Variants in CCDC163 observed in about 807,000 individuals in gnomAD.
The protein encoded by CCDC163 is transmembrane protein CCDC163.
CCDC163 carries 13 observed loss-of-function variants against 8.2 expected under a neutral mutation model. That is an observed-to-expected ratio of 1.59 (90% CI 1.04 to 2.54). The LOEUF (loss-of-function observed/expected upper bound fraction) is 2.54, where lower values mean the gene tolerates loss of function less well. Ranked by LOEUF, CCDC163 falls within the 30% of genes most tolerant of loss-of-function variation. The pLI is 0.00. For missense variants in CCDC163, 117 were observed against 78.6 expected (o/e 1.49, Z -1.85); for synonymous variants, 41 against 30.9 (o/e 1.33, Z -1.08).
chr1:45,497,670 G>A (rs199639390), intron 2 of CCDC163, among the ~76,000 whole-genome samples: 43 of 62,914 alleles, frequency 6.8e-4, no homozygotes, highest in East Asian at 1.8e-3. Flanking sequence ...AGTGAGGAGC[G>A]TCTCCGCCCG....
chr1:45,499,920 C>A lies in CCDC163; in HGVS notation c.-311G>T. ...CCCCAGAAGTAGTACACTGGCGCCA[C>A]CACGCCAAACCTGTGCCAGTGACAA... On this transcript the variant is annotated 5_prime_UTR_variant, in exon 1 of 5. Coordinates refer to ENST00000629482, the MANE Select transcript of CCDC163 (RefSeq NM_001102601.3). 1 of 490,968 alleles carries A rather than the reference C, an allele frequency of 2.0e-6. No individual in the cohort carries two copies. Among genetic ancestry groups the A allele is most frequent in the Non-Finnish European group, 3.7e-6 (1 of 268,720 alleles). 30.4% of individuals were successfully genotyped at this position (490,968 alleles called of 1,614,324 possible).
In CCDC163 at chr1:45,496,642, G is replaced by GT; in HGVS notation, c.263-20dup. 2.6e-6 allele frequency: 2 copies of GT among 775,894 alleles called. No individual in the cohort carries two copies. The allele number at this position is 775,894 out of a possible 1,614,324, so 48.1% of individuals were successfully genotyped here. On this transcript the variant is annotated intron_variant, in intron 3 of 4. Transcript: ENST00000629482. ...TGCTGGCCTGCAGATGAGAGAGAAT[G>GT]TAAGGGGGCTGTTCCCCAACTTCTT...
At position 45,499,754 on chromosome 1, in the gene CCDC163, G is replaced by T. The variant is rs536294878; in HGVS notation, c.-145C>A. On this transcript the variant is annotated 5_prime_UTR_variant, in exon 1 of 5. Coordinates refer to ENST00000629482, the MANE Select transcript of CCDC163 (RefSeq NM_001102601.3). ...TGGGGATGCAACACTGGGGTAGGTG[G>T]ATGCACTATCAGACCAAAACTGCGA... 1.3e-4 allele frequency: 83 copies of T among 627,188 alleles called. 1 individual carries two copies. In the South Asian group the frequency reaches 1.4e-3, roughly 11 times the overall value. The allele number at this position is 627,188 out of a possible 1,614,324, so 38.9% of individuals were successfully genotyped here. A position where few individuals can be genotyped will look rare whatever the true frequency, so the allele number is the denominator to read the frequency against.
chr1:45,499,589 C>A lies in CCDC163; in HGVS notation c.21G>T (p.Trp7Cys). MNTSLS[W>C]FEQLDVLLNA... is the part of the protein sequence containing the mutation. ...TGAGAAGCACATCCAGCTGCTCAAA[C>A]CAGCTGAGGCTCGTATTCATATCCT... Residue 7 changes from tryptophan to cysteine, a missense_variant, in exon 1 of 5, where the codon TGG becomes TGT. Transcript: ENST00000629482. The A allele has an allele frequency of 2.6e-6, 2 of 774,792 alleles. No individual in the cohort carries two copies. The highest frequency in any genetic ancestry group is 4.8e-6 in the Non-Finnish European group (2 of 415,360). The allele number at this position is 774,792 out of a possible 1,614,324, so 48.0% of individuals were successfully genotyped here. A position where few individuals can be genotyped will look rare whatever the true frequency, so the allele number is the denominator to read the frequency against.
At chr1:45,495,873 G>A (rs1654079328) in intron 4 of CCDC163, among the ~76,000 whole-genome samples, 1 of 152,062 alleles carries the variant, frequency 6.6e-6, no homozygotes, top group Non-Finnish European at 1.5e-5. Flanking sequence ...AGCCAGGCTG[G>A]TCTTGAACTC....
chr1:45,496,709 C>G, intron 3 of CCDC163, 86 bp from the exon 4 acceptor site: 1 of 690,728 alleles, frequency 1.4e-6, no homozygotes, highest in Non-Finnish European at 2.7e-6. Context: ...CTGCCAAAAA[C>G]TGAGACAGAA....
rs187281892 is a variant in CCDC163, at chr1:45,494,914, C to G, written c.*145G>C. ...AGCTGAGATGGGGGGCAAGGATGGG[C>G]AGGCAGTGAAAAGCCTCAGTAGATA... On this transcript the variant is annotated 3_prime_UTR_variant, in exon 5 of 5. Transcript: ENST00000629482. 1.7e-5 allele frequency: 11 copies of G among 629,540 alleles called. No homozygotes were observed. Among genetic ancestry groups the G allele is most frequent in the African/African-American group, 1.5e-4 (8 of 54,804 alleles). 39.0% of individuals were successfully genotyped at this position (629,540 alleles called of 1,614,324 possible).
At chr1:45,497,805 G>A (rs1292248575) in intron 2 of CCDC163, among the ~76,000 whole-genome samples, 3 of 144,856 alleles carry the variant, frequency 2.1e-5, no homozygotes, top group Non-Finnish European at 3.0e-5. Context: ...GGGAGGTGAG[G>A]GGTGCCTCTG....
intron 2 of CCDC163, among the ~76,000 whole-genome samples, chr1:45,498,979 A>G (rs1643453171): frequency 1.3e-5 from 2 of 152,224 alleles, no homozygotes; most frequent in South Asian, 4.1e-4. Flanking sequence ...ATACACACCA[A>G]GGATTCCAAG....
rs1653915078 is a variant in CCDC163, at chr1:45,494,528, C to T, written c.*531G>A. 6.4e-6 allele frequency: 1 copy of T among 157,260 alleles called. No homozygotes were observed. The highest frequency in any genetic ancestry group is 1.4e-5 in the Non-Finnish European group (1 of 71,096). 9.7% of individuals were successfully genotyped at this position (157,260 alleles called of 1,614,324 possible). A position where few individuals can be genotyped will look rare whatever the true frequency, so the allele number is the denominator to read the frequency against. On this transcript the variant is annotated 3_prime_UTR_variant, in exon 5 of 5. Transcript: ENST00000629482. ...AAGGTAGCCTCCTACTGTCCAGATC[C>T]AAGTCCCACCAGAATATCTCATCCT...
chr1:45,498,510 C>A (rs1047066752), intron 2 of CCDC163: 1 of 152,526 alleles, frequency 6.6e-6, no homozygotes, highest in Non-Finnish European at 1.5e-5. Flanking sequence ...TGCATCTGGG[C>A]TTGGGCTTGG....
At chr1:45,495,285 C>A in intron 4 of CCDC163, 119 bp from the exon 5 acceptor site, 1 of 719,538 alleles carries the variant, frequency 1.4e-6, no homozygotes, top group South Asian at 1.5e-5. Flanking sequence ...GGATAAACAG[C>A]AACAGAGGTC....
At position 45,494,592 on chromosome 1, in the gene CCDC163, C is replaced by G. The variant is rs1346101642; in HGVS notation, c.*467G>C. 5.1e-6 allele frequency: 1 copy of G among 196,190 alleles called. No individual in the cohort carries two copies. Among genetic ancestry groups the G allele is most frequent in the African/African-American group, 2.3e-5 (1 of 43,420 alleles). The allele number at this position is 196,190 out of a possible 1,614,324, so 12.2% of individuals were successfully genotyped here. A position where few individuals can be genotyped will look rare whatever the true frequency, so the allele number is the denominator to read the frequency against. On this transcript the variant is annotated 3_prime_UTR_variant, in exon 5 of 5. Transcript: ENST00000629482. ...CAGCACTACTGCCCTAGAGCAGTGTCCTACCTCATTCTACTCACCAGAATG... is the reference window on the plus strand; with the variant it reads ...CAGCACTACTGCCCTAGAGCAGTGTGCTACCTCATTCTACTCACCAGAATG...
intron 4 of CCDC163, 182 bp downstream of exon 4, chr1:45,496,374 G>A: frequency 1.4e-6 from 1 of 691,808 alleles, no homozygotes; most frequent in Non-Finnish European, 2.6e-6. Context: ...AGTTTCTCAT[G>A]GCCGGGAGCA....
rs1653919105 is a variant in CCDC163 at position 45,494,575 on chromosome 1, C to G, written c.*484G>C. The G allele has an allele frequency of 6.0e-6, 1 of 166,782 alleles. No homozygotes were observed. The allele number at this position is 166,782 out of a possible 1,614,324, so 10.3% of individuals were successfully genotyped here. ...TCCTCCTTTGCATCCCCCAGCACTACTGCCCTAGAGCAGTGTCCTACCTCA... is the reference window on the plus strand; with the variant it reads ...TCCTCCTTTGCATCCCCCAGCACTAGTGCCCTAGAGCAGTGTCCTACCTCA... On this transcript the variant is annotated 3_prime_UTR_variant, in exon 5 of 5. Coordinates refer to ENST00000629482, the MANE Select transcript of CCDC163 (RefSeq NM_001102601.3).
Position 45,499,462 on chromosome 1 carries a change from C to A in CCDC163, c.79-19G>T, listed in dbSNP as rs1196705006. 2 of 778,276 alleles carry A rather than the reference C, an allele frequency of 2.6e-6. No individual in the cohort carries two copies. Among genetic ancestry groups the A allele is most frequent in the Admixed American group, 1.7e-5 (1 of 58,574 alleles). 48.2% of individuals were successfully genotyped at this position (778,276 alleles called of 1,614,324 possible). On this transcript the variant is annotated intron_variant, in intron 1 of 4. Transcript: ENST00000629482. ...GCCACTGCTACAAAAGAAACAGATGCACAGGCCAATGAACTCTGAGAGTCC... is the reference window on the plus strand; with the variant it reads ...GCCACTGCTACAAAAGAAACAGATGAACAGGCCAATGAACTCTGAGAGTCC...
chr1:45,495,643 G>T, intron 4 of CCDC163: 1 of 634,396 alleles, frequency 1.6e-6, no homozygotes, highest in Non-Finnish European at 2.8e-6. Context: ...CTAGGACTCT[G>T]GTCTCCTCCC....
rs535511919 is a variant in CCDC163 at position 45,497,148 on chromosome 1, T to TGGCAACA, written c.262+144_262+150dup. ...AGATTGCGCCATTGCAACACAGCCTTGGCAACAGGCAACAGAGCGAGGCTG... is the reference window on the plus strand; with the variant it reads ...AGATTGCGCCATTGCAACACAGCCTTGGCAACAGGCAACAGGCAACAGAGCGAGGCTG... On this transcript the variant is annotated intron_variant, in intron 3 of 4. Transcript: ENST00000629482. 8 of 517,568 alleles carry TGGCAACA rather than the reference T, an allele frequency of 1.5e-5. No homozygotes were observed. The East Asian group carries it at 2.6e-4, about 17-fold the overall frequency. The allele number at this position is 517,568 out of a possible 1,614,324, so 32.1% of individuals were successfully genotyped here.
intron 4 of CCDC163, 31 bp downstream of exon 4, chr1:45,496,525 T>C (rs1325524884): frequency 1.3e-6 from 1 of 778,158 alleles, no homozygotes; most frequent in Non-Finnish European, 2.4e-6. Context: ...CATAGAGAAA[T>C]ATGCAGAGAC....
Sources: gnomAD v4.1 joint callset for allele counts (sites outside exome capture counted in the v4.1 genomes callset) on GRCh38, gnomAD v4.1.1 for gene constraint, MANE v1.5 for transcripts, NCBI Gene and HGNC (gene_info 2026-07-23, HGNC 2026-07-21) for gene names.